C1QTNF3: variants seen among roughly 807,000 people sequenced by gnomAD.
C1QTNF3 encodes the protein complement C1q tumor necrosis factor-related protein 3.
C1QTNF3 carries 26 observed loss-of-function variants against 32.6 expected under a neutral mutation model. That is an observed-to-expected ratio of 0.80 (90% CI 0.58 to 1.11). C1QTNF3 has a LOEUF of 1.11. Ranked by LOEUF, C1QTNF3 falls within the 50% of genes least tolerant of loss-of-function variation. The pLI is 0.00. For synonymous variants in C1QTNF3, 155 were observed against 146.0 expected, an observed-to-expected ratio of 1.06 and a Z score of -0.44; for missense variants, 362 against 398.2, an observed-to-expected ratio of 0.91 and a Z score of 0.77.
intron 4 of C1QTNF3, among the ~76,000 whole-genome samples, chr5:34,027,741 A>G (rs796985780): frequency 1.6e-4 from 24 of 150,792 alleles, no homozygotes; most frequent in African/African-American, 5.3e-4. Flanking sequence ...CCACCAAAAA[A>G]AAAAAAAAAA....
At chr5:34,064,409 T>C in the C1QTNF3 span, among the ~76,000 whole-genome samples, 5 of 152,154 alleles carry the variant, frequency 3.3e-5, no homozygotes, top group Admixed American at 3.3e-4. Flanking sequence ...GTTCTTGGCC[T>C]CACAGATTCC....
At chr5:34,127,471 T>G in the C1QTNF3 span, among the ~76,000 whole-genome samples, 1 of 152,230 alleles carries the variant, frequency 6.6e-6, no homozygotes, top group Admixed American at 6.5e-5. Context: ...ATTTTGCCCC[T>G]CTCCTAGAGA....
At chr5:34,120,808 G>A in the C1QTNF3 span, among the ~76,000 whole-genome samples, 2 of 152,078 alleles carry the variant, frequency 1.3e-5, no homozygotes, top group East Asian at 3.8e-4. Context: ...TTTGTAAATT[G>A]CCCAGTTTCA....
chr5:34,063,324 TTC>T, the C1QTNF3 span, among the ~76,000 whole-genome samples: 1 of 151,832 alleles, frequency 6.6e-6, no homozygotes, highest in Admixed American at 6.6e-5. Flanking sequence ...TCTCTCCCTT[TTC>T]TCTCTCTGTC....
upstream of C1QTNF3, among the ~76,000 whole-genome samples, chr5:34,046,469 A>G (rs1754988122): frequency 6.6e-6 from 1 of 152,234 alleles, no homozygotes; most frequent in Non-Finnish European, 1.5e-5. Context: ...ACAGGAGAAC[A>G]CTATGTGAAA....
At chr5:34,028,389 T>C (rs1158628676) in intron 4 of C1QTNF3, among the ~76,000 whole-genome samples, 2 of 152,202 alleles carry the variant, frequency 1.3e-5, no homozygotes, top group East Asian at 3.8e-4. Flanking sequence ...ACATTTAAAC[T>C]GAGAATTATG....
the C1QTNF3 span, among the ~76,000 whole-genome samples, chr5:34,103,307 A>G: frequency 4.6e-5 from 7 of 151,180 alleles, no homozygotes; most frequent in Non-Finnish European, 8.8e-5. Context: ...TATGTTTTCT[A>G]CTTTTTAGAG....
chr5:34,180,706 AG>A, the C1QTNF3 span, among the ~76,000 whole-genome samples: 9 of 152,318 alleles, frequency 5.9e-5, no homozygotes, highest in African/African-American at 2.2e-4. Flanking sequence ...CAGAGGGACC[AG>A]TCTGTGCTCA....
the C1QTNF3 span, among the ~76,000 whole-genome samples, chr5:34,211,805 G>C: frequency 6.6e-6 from 1 of 151,944 alleles, no homozygotes; most frequent in Non-Finnish European, 1.5e-5. Context: ...TGGACATTTG[G>C]ATTGGTTCCA....
the C1QTNF3 span, among the ~76,000 whole-genome samples, chr5:34,154,660 C>T: frequency 0.021 from 3,229 of 152,198 alleles, 134 homozygotes; most frequent in African/African-American, 0.075. Context: ...AATCTTTCTG[C>T]TTGGTACATT....
the C1QTNF3 span, among the ~76,000 whole-genome samples, chr5:34,157,466 G>A: frequency 6.6e-6 from 1 of 152,126 alleles, no homozygotes; most frequent in East Asian, 1.9e-4. Flanking sequence ...TGTTTGCATT[G>A]TTGTCCCCAA....
the C1QTNF3 span, chr5:34,106,126 A>G: frequency 6.6e-6 from 1 of 151,934 alleles, no homozygotes; most frequent in African/African-American, 2.4e-5. Flanking sequence ...TTATAATGCA[A>G]TACAAATAGT....
At chr5:34,142,744 GT>G in the C1QTNF3 span, among the ~76,000 whole-genome samples, 2 of 152,220 alleles carry the variant, frequency 1.3e-5, no homozygotes, top group Non-Finnish European at 2.9e-5. Flanking sequence ...TTGTACGGAG[GT>G]CTGGCCCTCT....
the C1QTNF3 span, among the ~76,000 whole-genome samples, chr5:34,169,420 A>G: frequency 1.3e-5 from 2 of 151,982 alleles, no homozygotes; most frequent in Non-Finnish European, 2.9e-5. Context: ...TTCTTTGAAG[A>G]AATGTCTGTT....
chr5:34,111,832 G>A, the C1QTNF3 span, among the ~76,000 whole-genome samples: 1 of 152,086 alleles, frequency 6.6e-6, no homozygotes, highest in Non-Finnish European at 1.5e-5. Flanking sequence ...AAAAAACAAG[G>A]GAATTATGGG....
At chr5:34,175,036 C>T in the C1QTNF3 span, among the ~76,000 whole-genome samples, 3 of 151,276 alleles carry the variant, frequency 2.0e-5, no homozygotes, top group Admixed American at 6.6e-5. Flanking sequence ...CATGAGCCAC[C>T]GTGCCCAGCT....
At chr5:34,024,310 C>T (rs1159817100) in intron 4 of C1QTNF3, 4 of 274,344 alleles carry the variant, frequency 1.5e-5, no homozygotes, top group Non-Finnish European at 2.2e-5. Flanking sequence ...GCAAAGTAGG[C>T]GTTGTTCCTG....
the C1QTNF3 span, among the ~76,000 whole-genome samples, chr5:34,052,814 T>C: frequency 6.6e-6 from 1 of 152,336 alleles, no homozygotes; most frequent in African/African-American, 2.4e-5. Flanking sequence ...TAAATTGTTT[T>C]GTATTTCCTG....
At chr5:34,164,775 G>A in the C1QTNF3 span, 2 of 151,144 alleles carry the variant, frequency 1.3e-5, no homozygotes, top group South Asian at 2.1e-4. Context: ...TTCTATATAA[G>A]TAAACATTCT....
Sources: allele counts gnomAD v4.1 joint callset (sites outside exome capture counted in the v4.1 genomes callset), GRCh38; gene constraint gnomAD v4.1.1; transcripts MANE v1.5; gene names NCBI Gene and HGNC (gene_info 2026-07-23, HGNC 2026-07-21).